The following CDH10 variants were observed in gnomAD, a reference collection of about 807,000 sequenced individuals.
The protein encoded by CDH10 is cadherin-10.
In CDH10, 30 loss-of-function variants were observed where a neutral mutation model predicts 73.1. The ratio of observed to expected loss-of-function variants is 0.41; its 90% CI spans 0.31 to 0.56. The LOEUF (loss-of-function observed/expected upper bound fraction) is 0.56, where lower values mean the gene tolerates loss of function less well. Ranked by LOEUF, CDH10 falls within the 20% of genes least tolerant of loss-of-function variation. The pLI is 0.27. For synonymous variants in CDH10, 345 were observed against 348.2 expected (o/e 0.99, Z 0.10); for missense variants, 815 against 973.7 (o/e 0.84, Z 2.17).
At chr5:24,488,972 C>G (rs1191678803) in intron 11 of CDH10, among the ~76,000 whole-genome samples, 1 of 152,006 alleles carries the variant, frequency 6.6e-6, no homozygotes, top group African/African-American at 2.4e-5. Flanking sequence ...ATAATCAAAA[C>G]AGTGGTAATA....
At chr5:24,582,469 C>T (rs1745837585) in intron 2 of CDH10, among the ~76,000 whole-genome samples, 2 of 152,058 alleles carry the variant, frequency 1.3e-5, no homozygotes, top group Non-Finnish European at 1.5e-5. Flanking sequence ...AATAGCACCT[C>T]TTGGAAGGAA....
chr5:24,588,900 A>G (rs570157350), intron 2 of CDH10, among the ~76,000 whole-genome samples: 1 of 152,206 alleles, frequency 6.6e-6, no homozygotes, highest in Non-Finnish European at 1.5e-5. Context: ...ATTTAGTAAC[A>G]TTGATTCGTA....
intron 11 of CDH10, among the ~76,000 whole-genome samples, chr5:24,489,925 C>T (rs577206006): frequency 6.6e-6 from 1 of 151,986 alleles, no homozygotes; most frequent in Non-Finnish European, 1.5e-5. Context: ...TAGCAAGGTA[C>T]CTTAGCTCAA....
chr5:24,498,277 A>T, intron 9 of CDH10, 121 bp downstream of exon 9: 1 of 531,148 alleles, frequency 1.9e-6, no homozygotes, highest in Non-Finnish European at 3.3e-6. Context: ...TTTAAAAATT[A>T]TATTGGGACT....
intron 2 of CDH10, among the ~76,000 whole-genome samples, chr5:24,544,070 C>T (rs989994491): frequency 6.6e-6 from 1 of 152,190 alleles, no homozygotes. Context: ...CCGAGGAAGG[C>T]GGATCATGAG....
At chr5:24,591,141 CAT>C (rs1208175172) in intron 2 of CDH10, among the ~76,000 whole-genome samples, 4 of 151,798 alleles carry the variant, frequency 2.6e-5, no homozygotes, top group Non-Finnish European at 4.4e-5. Flanking sequence ...TTTGTCATAT[CAT>C]GTGTATGTTT....
At chr5:24,512,765 A>G (rs918449538) in intron 5 of CDH10, among the ~76,000 whole-genome samples, 2 of 152,160 alleles carry the variant, frequency 1.3e-5, no homozygotes, top group African/African-American at 4.8e-5. Context: ...ATCAACCTCA[A>G]GTACACTCTG....
intron 5 of CDH10, among the ~76,000 whole-genome samples, chr5:24,514,203 T>C (rs1743021477): frequency 6.6e-6 from 1 of 152,200 alleles, no homozygotes; most frequent in East Asian, 1.9e-4. Flanking sequence ...GTCCACATTG[T>C]AGCCGCATTG....
chr5:24,514,460 T>C (rs1743033581), intron 5 of CDH10, among the ~76,000 whole-genome samples: 1 of 152,184 alleles, frequency 6.6e-6, no homozygotes, highest in South Asian at 2.1e-4. Flanking sequence ...CTCTGCCTGA[T>C]AACCACATCC....
intron 2 of CDH10, among the ~76,000 whole-genome samples, chr5:24,580,491 T>C (rs1014695395): frequency 2.0e-5 from 3 of 152,068 alleles, no homozygotes; most frequent in African/African-American, 7.2e-5. Flanking sequence ...AGTTTTGTTG[T>C]AGAAAAAAAT....
intron 2 of CDH10, among the ~76,000 whole-genome samples, chr5:24,591,390 T>G (rs1746195686): frequency 6.6e-6 from 1 of 151,992 alleles, no homozygotes; most frequent in Non-Finnish European, 1.5e-5. Context: ...ATCATTTCTG[T>G]TAACTCTAGT....
chr5:24,542,919 T>C (rs1395734232), intron 2 of CDH10, among the ~76,000 whole-genome samples: 1 of 152,098 alleles, frequency 6.6e-6, no homozygotes, highest in Non-Finnish European at 1.5e-5. Context: ...ACCATCACCT[T>C]AGGAGTTAGG....
chr5:24,627,170 A>G (rs908769527), intron 1 of CDH10, among the ~76,000 whole-genome samples: 6 of 152,042 alleles, frequency 3.9e-5, no homozygotes, highest in Non-Finnish European at 2.9e-5. Flanking sequence ...AAAGGATGAC[A>G]TGAAGTTCAC....
rs2111600446 is a variant in CDH10 at position 24,487,753 on chromosome 5, G to T, written c.2277C>A (p.Asp759Glu). 6.2e-7 allele frequency: 1 copy of T among 1,613,690 alleles called. No individual in the cohort carries two copies. ...SSLESGTTEG[D>E]QNYDYLREWG... is the part of the protein sequence containing the mutation. The stretch of plus-strand genomic sequence containing the variant: ...ATTCTCGGAGGTAATCGTAGTTTTG[G>T]TCTCCTTCAGTAGTACCTGATTCTA... Residue 759 changes from aspartate (D) to glutamate (E), a missense_variant, in exon 12 of 12, where the codon GAC (aspartate) becomes GAA (glutamate). By Grantham distance (45) the Asp-to-Glu change is conservative. This residue lies in a region of CDH10 where 241 missense variants were observed against 240.3 expected (regional missense o/e 1.00). Transcript: ENST00000264463.
At chr5:24,517,375 T>C (rs952150153) in intron 5 of CDH10, among the ~76,000 whole-genome samples, 1 of 152,200 alleles carries the variant, frequency 6.6e-6, no homozygotes, top group African/African-American at 2.4e-5. Flanking sequence ...CTTAGAGATT[T>C]GCTGTTTCTA....
chr5:24,601,489 T>C (rs1171265392), intron 1 of CDH10, among the ~76,000 whole-genome samples: 1 of 152,138 alleles, frequency 6.6e-6, no homozygotes, highest in Non-Finnish European at 1.5e-5. Flanking sequence ...GCTTCCAGTT[T>C]GCTGAACACA....
intron 2 of CDH10, among the ~76,000 whole-genome samples, chr5:24,575,452 G>A (rs954618654): frequency 2.0e-5 from 3 of 150,506 alleles, no homozygotes; most frequent in Non-Finnish European, 2.9e-5. Context: ...TACGAATTAC[G>A]TTAAGATACT....
At chr5:24,569,407 A>G (rs1023003610) in intron 2 of CDH10, among the ~76,000 whole-genome samples, 1 of 152,132 alleles carries the variant, frequency 6.6e-6, no homozygotes, top group Non-Finnish European at 1.5e-5. Context: ...ATTTTTTACA[A>G]TAATAAAATA....
chr5:24,555,671 C>T (rs1744740827), intron 2 of CDH10, among the ~76,000 whole-genome samples: 1 of 152,068 alleles, frequency 6.6e-6, no homozygotes, highest in South Asian at 2.1e-4. Flanking sequence ...CAAACTTCAT[C>T]AGAAATGAGA....
Sources: gnomAD v4.1 joint callset for allele counts (sites outside exome capture counted in the v4.1 genomes callset) on GRCh38, gnomAD v4.1.1 for gene constraint, gnomAD v4.1.1 regional missense constraint, MANE v1.5 for transcripts, NCBI Gene and HGNC (gene_info 2026-07-23, HGNC 2026-07-21) for gene names.